CMC2: variants seen among roughly 807,000 people sequenced by gnomAD.
The protein encoded by CMC2 is C-X9-C motif containing 2, also known as COX assembly mitochondrial protein 2 homolog.
In CMC2, 5 loss-of-function variants were observed where a neutral mutation model predicts 7.5. The observed-to-expected ratio is 0.66, with a 90% confidence interval of 0.35 to 1.40. The LOEUF is 1.40. CMC2 is among the 40% of genes most tolerant of loss of function. CMC2 has a pLI of 0.04. For synonymous variants in CMC2, 37 were observed against 31.4 expected (o/e 1.18, Z -0.60); for missense variants, 115 against 92.3 (o/e 1.25, Z -1.01).
chr16:80,969,562 GA>G lies in CMC2; in HGVS notation c.*6530del. 6.6e-6 allele frequency: 1 copy of G among 151,922 alleles called. No homozygotes were observed. Among genetic ancestry groups the G allele is most frequent in the Non-Finnish European group, 1.5e-5 (1 of 68,012 alleles). 9.4% of individuals were successfully genotyped at this position (151,922 alleles called of 1,614,324 possible). ...AAGTGAGGAGGAACTGCAGGGAGCA[GA>G]AAAAAAATTGAACAGGATAGGGACA... On this transcript the variant is annotated 3_prime_UTR_variant, in exon 4 of 4. Coordinates refer to ENST00000219400, the MANE Select transcript of CMC2 (RefSeq NM_020188.5).
At position 80,997,330 on chromosome 16, in the gene CMC2, T is replaced by TCC; in HGVS notation, c.64_65insGG (p.Lys22ArgfsTer11). 8.2e-7 allele frequency: 1 copy of TCC among 1,216,544 alleles called. No homozygotes were observed. Among genetic ancestry groups the TCC allele is most frequent in the Non-Finnish European group, 1.2e-6 (1 of 855,898 alleles). 75.4% of individuals were successfully genotyped at this position (1,216,544 alleles called of 1,614,324 possible). The stretch of plus-strand genomic sequence containing the variant: ...AACTCTTACATTTTTGTGACATTCC[T>TCC]TAAGCAAGTTAATCAAGACGTTGCA... On this transcript the variant is annotated frameshift_variant, in exon 2 of 4. Coordinates refer to ENST00000219400, the MANE Select transcript of CMC2 (RefSeq NM_020188.5). LOFTEE classifies it high-confidence loss of function.
intron 1 of CMC2, among the ~76,000 whole-genome samples, chr16:81,004,529 C>G (rs538087303): frequency 6.6e-6 from 1 of 152,274 alleles, no homozygotes; most frequent in East Asian, 1.9e-4. Flanking sequence ...TCCACCACCT[C>G]CCTCCTCAAT....
intron 3 of CMC2, among the ~76,000 whole-genome samples, chr16:80,979,267 A>G (rs1374744597): frequency 6.6e-6 from 1 of 152,184 alleles, no homozygotes; most frequent in Non-Finnish European, 1.5e-5. Context: ...AAACATCTAC[A>G]AATTAGAGAA....
chr16:81,002,393 C>T (rs1968932507), intron 1 of CMC2, among the ~76,000 whole-genome samples: 1 of 152,142 alleles, frequency 6.6e-6, no homozygotes, highest in Non-Finnish European at 1.5e-5. Context: ...CCACTGACCT[C>T]CAGCTTGGGT....
chr16:81,002,773 C>A (rs1022952079), intron 1 of CMC2, among the ~76,000 whole-genome samples: 1 of 152,320 alleles, frequency 6.6e-6, no homozygotes, highest in Admixed American at 6.5e-5. Flanking sequence ...CCTTCTAATT[C>A]ACATTATTTA....
At chr16:80,987,003 G>C (rs567522986) in intron 2 of CMC2, among the ~76,000 whole-genome samples, 1 of 152,230 alleles carries the variant, frequency 6.6e-6, no homozygotes, top group South Asian at 2.1e-4. Flanking sequence ...AGTTATGGTA[G>C]AAGCCTGTGG....
At chr16:80,983,170 T>C (rs970479748) in intron 2 of CMC2, 2 of 152,152 alleles carry the variant, frequency 1.3e-5, no homozygotes, top group Non-Finnish European at 2.9e-5. Context: ...ATACAAAACA[T>C]GTGTTAATCA....
chr16:80,978,417 T>C (rs1477566367), intron 3 of CMC2: 2 of 1,251,114 alleles, frequency 1.6e-6, no homozygotes, highest in Non-Finnish European at 1.0e-6. Context: ...AGATGGTCCC[T>C]GAATAAAAGG....
rs186118992 is a variant in CMC2 at position 80,970,958 on chromosome 16, A to C, written c.*5135T>G. 6.6e-6 allele frequency: 1 copy of C among 152,252 alleles called. No homozygotes were observed. Among genetic ancestry groups the C allele is most frequent in the Non-Finnish European group, 1.5e-5 (1 of 68,020 alleles). The allele number at this position is 152,252 out of a possible 1,614,324, so 9.4% of individuals were successfully genotyped here. The stretch of plus-strand genomic sequence containing the variant: ...AATTTTCCAGCCTGGACATGGTGAA[A>C]CCCTATCTCTACTAAAAAATACAAA... On this transcript the variant is annotated 3_prime_UTR_variant, in exon 4 of 4. Transcript: ENST00000219400.
intron 2 of CMC2, chr16:80,996,878 T>G (rs549412884): frequency 3.3e-6 from 1 of 300,238 alleles, no homozygotes; most frequent in Non-Finnish European, 6.7e-6. Flanking sequence ...ATTAAGCCAA[T>G]CATAAATCTA....
chr16:80,996,388 G>C (rs1262793721), intron 2 of CMC2, among the ~76,000 whole-genome samples: 1 of 152,026 alleles, frequency 6.6e-6, no homozygotes, highest in East Asian at 1.9e-4. Flanking sequence ...ATTAGTTCTT[G>C]TTCTTTAAAC....
At chr16:80,987,728 T>G (rs1489452612) in intron 2 of CMC2, among the ~76,000 whole-genome samples, 1 of 152,154 alleles carries the variant, frequency 6.6e-6, no homozygotes, top group African/African-American at 2.4e-5. Flanking sequence ...AAAACACTCA[T>G]GCACTTCAAG....
At chr16:80,997,454 T>A in intron 1 of CMC2, 25 bp from the exon 2 acceptor site, 1 of 1,206,652 alleles carries the variant, frequency 8.3e-7, no homozygotes, top group African/African-American at 1.5e-5. Flanking sequence ...GTGTCTTGAA[T>A]ATGCATAAAC....
intron 2 of CMC2, 61 bp from the exon 3 acceptor site, chr16:80,981,938 T>C: frequency 9.7e-7 from 1 of 1,035,612 alleles, no homozygotes; most frequent in South Asian, 1.4e-5. Flanking sequence ...TTGGGGCACA[T>C]AAAATTTAAA....
chr16:80,997,165 A>G lies in CMC2; in HGVS notation c.81+149T>C, dbSNP rs1020124519. On this transcript the variant is annotated intron_variant, in intron 2 of 3. Transcript: ENST00000219400. ...TAGTTTGTGTAAAAAAAAGAAAAAAATCGCACATATCAACTGCTAATCTTG... is the reference window on the plus strand; with the variant it reads ...TAGTTTGTGTAAAAAAAAGAAAAAAGTCGCACATATCAACTGCTAATCTTG... 10 of 617,728 alleles carry G rather than the reference A, an allele frequency of 1.6e-5. No individual in the cohort carries two copies. In the African/African-American group the frequency reaches 1.7e-4, roughly 10 times the overall value. The allele number at this position is 617,728 out of a possible 1,614,324, so 38.3% of individuals were successfully genotyped here.
At chr16:80,993,290 A>G (rs1055882734) in intron 2 of CMC2, among the ~76,000 whole-genome samples, 3 of 152,198 alleles carry the variant, frequency 2.0e-5, no homozygotes, top group Non-Finnish European at 2.9e-5. Flanking sequence ...TGAACCCTAC[A>G]TTCACCTAGC....
chr16:80,997,067 C>A (rs575978648), intron 2 of CMC2: 4 of 547,876 alleles, frequency 7.3e-6, no homozygotes, highest in African/African-American at 5.7e-5. Context: ...ACATGGATTC[C>A]AACTGTTACA....
chr16:80,996,999 T>G, intron 2 of CMC2: 1 of 474,022 alleles, frequency 2.1e-6, no homozygotes, highest in Admixed American at 2.7e-5. Context: ...GTGTCAGCGC[T>G]GAATATAACT....
At chr16:80,991,216 C>G (rs2316923) in intron 2 of CMC2, among the ~76,000 whole-genome samples, 99,073 of 151,970 alleles carry the variant, frequency 0.65, 34,056 homozygotes, top group South Asian at 0.8. Context: ...CAGAATTCCA[C>G]AAGATTATGT....
Sources: allele counts gnomAD v4.1 joint callset (sites outside exome capture counted in the v4.1 genomes callset), GRCh38; gene constraint gnomAD v4.1.1; transcripts MANE v1.5; gene names NCBI Gene and HGNC (gene_info 2026-07-23, HGNC 2026-07-21).